The following TMED3 variants were observed in gnomAD, a reference collection of about 807,000 sequenced individuals.
The protein encoded by TMED3 is transmembrane p24 trafficking protein 3, also known as transmembrane emp24 domain-containing protein 3.
In TMED3, 9 loss-of-function variants were observed where a neutral mutation model predicts 15.0. The observed-to-expected ratio is 0.60, with a 90% CI of 0.36 to 1.04. The LOEUF (loss-of-function observed/expected upper bound fraction) is 1.04. TMED3 is among the 50% of genes least tolerant of loss of function. The pLI is 0.01. For synonymous variants in TMED3, 117 were observed against 121.4 expected (o/e 0.96, Z 0.24); for missense variants, 267 against 278.9 (o/e 0.96, Z 0.30).
chr15:79,382,060 T>G (rs1273889124), intron 2 of TMED3, among the ~76,000 whole-genome samples: 2 of 152,214 alleles, frequency 1.3e-5, no homozygotes, highest in African/African-American at 4.8e-5. Flanking sequence ...TCAACAGGGC[T>G]TAGATTTTTC....
chr15:79,379,521 G>A (rs2141248697), intron 2 of TMED3, among the ~76,000 whole-genome samples: 1 of 152,212 alleles, frequency 6.6e-6, no homozygotes, highest in Non-Finnish European at 1.5e-5. Flanking sequence ...ATTACTACGA[G>A]CAATCAATAA....
chr15:79,356,102 G>T (rs1237709123), intron 2 of TMED3, among the ~76,000 whole-genome samples: 1 of 152,106 alleles, frequency 6.6e-6, no homozygotes, highest in Non-Finnish European at 1.5e-5. Context: ...CCCAGCACAT[G>T]TCCTGGGTGG....
intron 2 of TMED3, among the ~76,000 whole-genome samples, chr15:79,355,391 G>C (rs900374476): frequency 6.6e-6 from 1 of 152,176 alleles, no homozygotes; most frequent in Non-Finnish European, 1.5e-5. Flanking sequence ...CCGTAGGTTA[G>C]GTGGCTGGGC....
chr15:79,395,134 C>A (rs1427653282), intron 2 of TMED3, among the ~76,000 whole-genome samples: 11 of 151,976 alleles, frequency 7.2e-5, no homozygotes, highest in Admixed American at 6.6e-4. Context: ...TTTTTTTACT[C>A]AACTCTCCTG....
intron 2 of TMED3, among the ~76,000 whole-genome samples, chr15:79,343,373 C>T (rs1451542811): frequency 6.6e-6 from 1 of 152,196 alleles, no homozygotes; most frequent in Non-Finnish European, 1.5e-5. Flanking sequence ...GAAGATGTCA[C>T]GTAGATGGAA....
At chr15:79,328,778 T>C (rs2141222127) in intron 2 of TMED3, among the ~76,000 whole-genome samples, 1 of 152,028 alleles carries the variant, frequency 6.6e-6, no homozygotes, top group South Asian at 2.1e-4. Flanking sequence ...GGAAGAGGGG[T>C]CTGTGGAGAG....
intron 2 of TMED3, among the ~76,000 whole-genome samples, chr15:79,390,716 T>C (rs567993659): frequency 4.6e-5 from 7 of 152,112 alleles, no homozygotes; most frequent in Non-Finnish European, 1.0e-4. Flanking sequence ...CCATGTGGTT[T>C]TGGACTTTTT....
chr15:79,312,913 A>G (rs565735650), intron 1 of TMED3, among the ~76,000 whole-genome samples: 4 of 152,292 alleles, frequency 2.6e-5, no homozygotes, highest in African/African-American at 9.6e-5. Context: ...TGCAGCATGC[A>G]TGCTCTAGGG....
In TMED3 at chr15:79,334,760, A is replaced by C. The variant is rs192556149; in HGVS notation, c.417+20755A>C. Among the ~76,000 whole-genome samples, 13 of 152,372 alleles carry C rather than the reference A, an allele frequency of 8.5e-5. No individual in the cohort carries two copies. The East Asian group carries it at 2.5e-3, about 29-fold the overall frequency. On this transcript the variant is annotated intron_variant, in intron 2 of 2. Coordinates refer to the TMED3 transcript ENST00000424155. ...ATTACTCCAGGAAGTCAAACAGTGC[A>C]CACATTTTTTCCCTCATAGTCTTAG...
At chr15:79,317,606 A>G (rs1319434073) in intron 2 of TMED3, among the ~76,000 whole-genome samples, 2 of 9,706 alleles carry the variant, frequency 2.1e-4, no homozygotes, top group Non-Finnish European at 1.8e-3. Context: ...ACATATGAAT[A>G]CATATGTGTG....
At chr15:79,340,807 C>T (rs2058848883) in intron 2 of TMED3, among the ~76,000 whole-genome samples, 2 of 152,194 alleles carry the variant, frequency 1.3e-5, no homozygotes, top group Non-Finnish European at 2.9e-5. Context: ...TATCCATTCA[C>T]TAATTCATAC....
chr15:79,350,068 G>A (rs62025975), intron 2 of TMED3, among the ~76,000 whole-genome samples: 44,648 of 152,054 alleles, frequency 0.29, 6,664 homozygotes, highest in African/African-American at 0.35. Flanking sequence ...GTTTGTGGCT[G>A]TATCCCAGTG....
At chr15:79,360,754 G>T (rs1893112268) in intron 2 of TMED3, among the ~76,000 whole-genome samples, 1 of 152,152 alleles carries the variant, frequency 6.6e-6, no homozygotes, top group Non-Finnish European at 1.5e-5. Flanking sequence ...TTCTGTGTGT[G>T]CCATAAAACG....
At chr15:79,328,652 T>C (rs1221622991) in intron 2 of TMED3, among the ~76,000 whole-genome samples, 1 of 152,130 alleles carries the variant, frequency 6.6e-6, no homozygotes, top group African/African-American at 2.4e-5. Flanking sequence ...CCATGTCACC[T>C]TCAGGTAGTG....
exon 3 of TMED3, chr15:79,411,459 C>G (rs980949736): frequency 7.1e-6 from 5 of 702,338 alleles, no homozygotes; most frequent in Non-Finnish European, 1.3e-5. Flanking sequence ...TGCAGCCAGG[C>G]GGAACACCTG....
At chr15:79,371,648 T>C (rs1358761361) in intron 2 of TMED3, among the ~76,000 whole-genome samples, 1 of 152,176 alleles carries the variant, frequency 6.6e-6, no homozygotes, top group Non-Finnish European at 1.5e-5. Context: ...ATCTAAACTG[T>C]CTTCATGCAA....
intron 2 of TMED3, among the ~76,000 whole-genome samples, chr15:79,358,049 T>C (rs758053617): frequency 3.9e-5 from 6 of 152,130 alleles, no homozygotes; most frequent in Non-Finnish European, 7.3e-5. Context: ...AAATCAGCAA[T>C]CAGCAAGTTG....
intron 2 of TMED3, among the ~76,000 whole-genome samples, chr15:79,364,939 C>T (rs911171468): frequency 6.6e-6 from 1 of 152,174 alleles, no homozygotes; most frequent in Non-Finnish European, 1.5e-5. Context: ...GGCCCTCTGC[C>T]CTTGCAAAAA....
chr15:79,407,338 C>T (rs1170730444), intron 2 of TMED3, among the ~76,000 whole-genome samples: 1 of 152,194 alleles, frequency 6.6e-6, no homozygotes, highest in Non-Finnish European at 1.5e-5. Context: ...TCCTTGTCAC[C>T]TTTCCCTGCC....
Sources: gnomAD v4.1 joint callset for allele counts (sites outside exome capture counted in the v4.1 genomes callset) on GRCh38, gnomAD v4.1.1 for gene constraint, MANE v1.5 for transcripts, NCBI Gene and HGNC (gene_info 2026-07-23, HGNC 2026-07-21) for gene names.